SKIC3: variants seen among roughly 807,000 people sequenced by gnomAD.
The protein encoded by SKIC3 is SKI3 subunit of superkiller complex.
chr5:95,517,465 C>A, the SKIC3 span: 1 of 932,114 alleles, frequency 1.1e-6, no homozygotes, highest in Non-Finnish European at 1.6e-6. Flanking sequence ...ATATCACCTC[C>A]CTAATAGGAA....
At chr5:95,554,136 T>A in the SKIC3 span, among the ~76,000 whole-genome samples, 1 of 152,202 alleles carries the variant, frequency 6.6e-6, no homozygotes, top group Admixed American at 6.5e-5. Flanking sequence ...GCTCAGTAAA[T>A]GCTTAGTATA....
At chr5:95,490,920 C>T in the SKIC3 span, 2 of 1,614,066 alleles carry the variant, frequency 1.2e-6, no homozygotes, top group Non-Finnish European at 1.7e-6. Context: ...GAAGCAGAAA[C>T]AGCAGATAAC....
At chr5:95,490,504 A>ATATATT in the SKIC3 span, among the ~76,000 whole-genome samples, 128 of 144,244 alleles carry the variant, frequency 8.9e-4, no homozygotes, top group African/African-American at 3.1e-3. Flanking sequence ...ATATATATAT[A>ATATATT]TTTTTTTTTT....
At chr5:95,477,940 T>C in the SKIC3 span, among the ~76,000 whole-genome samples, 3 of 152,198 alleles carry the variant, frequency 2.0e-5, no homozygotes, top group Admixed American at 6.5e-5. Context: ...TGAATTGAAA[T>C]GAGAATGACT....
chr5:95,510,296 C>A, the SKIC3 span, among the ~76,000 whole-genome samples: 1 of 152,238 alleles, frequency 6.6e-6, no homozygotes, highest in Non-Finnish European at 1.5e-5. Context: ...TGGGCACAGG[C>A]TAAACTAACT....
the SKIC3 span, chr5:95,522,340 G>A: frequency 1.9e-6 from 3 of 1,608,802 alleles, no homozygotes; most frequent in South Asian, 1.1e-5. Context: ...AGAACTAAAA[G>A]TATGGAACTA....
chr5:95,525,676 A>G, the SKIC3 span: 2 of 1,613,692 alleles, frequency 1.2e-6, no homozygotes, highest in Admixed American at 1.7e-5. Context: ...TCAGAAATCT[A>G]GAAAATAATT....
chr5:95,513,672 A>C, the SKIC3 span: 1 of 1,593,160 alleles, frequency 6.3e-7, no homozygotes, highest in East Asian at 2.2e-5. Context: ...ACAGACTCTT[A>C]ATGTGTTTAA....
chr5:95,516,631 C>T, the SKIC3 span: 1 of 1,613,102 alleles, frequency 6.2e-7, no homozygotes, highest in Non-Finnish European at 8.5e-7. Flanking sequence ...GTTTGAAATA[C>T]ACAATCTTCT....
At chr5:95,497,535 A>G in the SKIC3 span, 4 of 1,403,374 alleles carry the variant, frequency 2.9e-6, no homozygotes, top group Middle Eastern at 1.8e-4. Context: ...TACTTTAACC[A>G]CAAAATGTAC....
chr5:95,518,637 A>G, the SKIC3 span, among the ~76,000 whole-genome samples: 1 of 152,026 alleles, frequency 6.6e-6, no homozygotes, highest in African/African-American at 2.4e-5. Flanking sequence ...AAATGATAGC[A>G]TTTCATTCTT....
At chr5:95,494,067 G>A in the SKIC3 span, among the ~76,000 whole-genome samples, 2 of 152,180 alleles carry the variant, frequency 1.3e-5, no homozygotes, top group Non-Finnish European at 2.9e-5. Flanking sequence ...ATCTAAATAT[G>A]TATGTTAAAT....
At chr5:95,529,953 A>G in the SKIC3 span, 1 of 994,386 alleles carries the variant, frequency 1.0e-6, no homozygotes, top group African/African-American at 1.6e-5. Context: ...AAACCTAAGC[A>G]GAGTCCAAGG....
At chr5:95,536,502 T>G in the SKIC3 span, 1 of 326,292 alleles carries the variant, frequency 3.1e-6, no homozygotes, top group African/African-American at 2.2e-5. Flanking sequence ...TCATGCCAGC[T>G]GGAATATATT....
the SKIC3 span, among the ~76,000 whole-genome samples, chr5:95,517,576 A>G: frequency 3.3e-5 from 5 of 152,130 alleles, no homozygotes; most frequent in Admixed American, 3.3e-4. Context: ...TTTTATTAGA[A>G]GTAGCAGCAA....
the SKIC3 span, among the ~76,000 whole-genome samples, chr5:95,551,267 AC>A: frequency 6.6e-6 from 1 of 152,206 alleles, no homozygotes; most frequent in Non-Finnish European, 1.5e-5. Flanking sequence ...CTTCTGTCAA[AC>A]AAAAAACAAT....
At chr5:95,518,932 A>G in the SKIC3 span, among the ~76,000 whole-genome samples, 15 of 151,972 alleles carry the variant, frequency 9.9e-5, no homozygotes, top group Non-Finnish European at 1.5e-4. Context: ...CATAAACCAT[A>G]TAAGAGTTCT....
At chr5:95,482,473 C>T in the SKIC3 span, 1 of 1,613,846 alleles carries the variant, frequency 6.2e-7, no homozygotes, top group South Asian at 1.1e-5. Flanking sequence ...GAAAACTTAC[C>T]TGCCAAGCTG....
chr5:95,532,919 A>C, the SKIC3 span, among the ~76,000 whole-genome samples: 1 of 152,128 alleles, frequency 6.6e-6, no homozygotes, highest in Non-Finnish European at 1.5e-5. Flanking sequence ...ATCCCAAAAA[A>C]AGCTGATCAA....
Sources: gnomAD v4.1 joint callset for allele counts (sites outside exome capture counted in the v4.1 genomes callset) on GRCh38, gnomAD v4.1.1 for gene constraint, MANE v1.5 for transcripts, NCBI Gene and HGNC (gene_info 2026-07-23, HGNC 2026-07-21) for gene names.